HNF4G: variants seen among roughly 807,000 people sequenced by gnomAD.
The protein encoded by HNF4G is hepatocyte nuclear factor 4-gamma.
HNF4G carries 21 observed loss-of-function variants against 50.9 expected under a neutral mutation model. The observed-to-expected ratio is 0.41, with a 90% confidence interval of 0.29 to 0.59. The LOEUF is 0.59. Among genes scored for constraint, HNF4G ranks in the 20% least tolerant of loss-of-function variants. The probability of loss-of-function intolerance (pLI) is 0.26; values close to 1 mark genes in which losing one functional copy is unlikely to be tolerated. For missense variants in HNF4G, 527 were observed against 559.4 expected, an observed-to-expected ratio of 0.94 and a Z score of 0.58; for synonymous variants, 198 against 185.6, an observed-to-expected ratio of 1.07 and a Z score of -0.54.
chr8:75,520,279 T>C (rs142376756), intron 2 of HNF4G, among the ~76,000 whole-genome samples: 1 of 152,244 alleles, frequency 6.6e-6, no homozygotes, highest in African/African-American at 2.4e-5. Flanking sequence ...AAGAGCTCAA[T>C]AGTAGTTATG....
chr8:75,507,481 G>GA (rs1805624171), intron 2 of HNF4G, among the ~76,000 whole-genome samples: 1 of 152,104 alleles, frequency 6.6e-6, no homozygotes, highest in South Asian at 2.1e-4. Flanking sequence ...GGCTGGTCTC[G>GA]AACTCTTGAC....
chr8:75,479,347 G>A (rs1193409079), intron 1 of HNF4G, among the ~76,000 whole-genome samples: 1 of 152,108 alleles, frequency 6.6e-6, no homozygotes, highest in African/African-American at 2.4e-5. Context: ...CAGATAATAC[G>A]ATTTTCAAAT....
At chr8:75,424,354 C>G (rs1810843902) in intron 1 of HNF4G, among the ~76,000 whole-genome samples, 1 of 152,008 alleles carries the variant, frequency 6.6e-6, no homozygotes, top group South Asian at 2.1e-4. Flanking sequence ...TTTATTAATA[C>G]AGCATCTTAA....
intron 1 of HNF4G, among the ~76,000 whole-genome samples, chr8:75,443,844 C>T (rs751249973): frequency 3.9e-5 from 6 of 152,130 alleles, no homozygotes; most frequent in African/African-American, 1.4e-4. Flanking sequence ...TCATCCCCCT[C>T]TCCATAGTAC....
At chr8:75,417,092 C>T (rs754400785) in intron 1 of HNF4G, among the ~76,000 whole-genome samples, 15 of 149,702 alleles carry the variant, frequency 1.0e-4, no homozygotes, top group South Asian at 2.1e-4. Flanking sequence ...CACACACATA[C>T]GAGCATGTGC....
chr8:75,420,634 T>C (rs1275593121), intron 1 of HNF4G, among the ~76,000 whole-genome samples: 1 of 152,220 alleles, frequency 6.6e-6, no homozygotes, highest in African/African-American at 2.4e-5. Flanking sequence ...CATATGAATA[T>C]ATTTTATCCT....
chr8:75,409,437 C>G (rs1346413272), intron 1 of HNF4G, among the ~76,000 whole-genome samples: 1 of 149,116 alleles, frequency 6.7e-6, no homozygotes, highest in African/African-American at 2.5e-5. Flanking sequence ...AAAAAAAATA[C>G]TCCTCATGCA....
intron 1 of HNF4G, among the ~76,000 whole-genome samples, chr8:75,477,910 T>C (rs1585878617): frequency 6.6e-6 from 1 of 152,002 alleles, no homozygotes; most frequent in Non-Finnish European, 1.5e-5. Context: ...GAGGCTGCAG[T>C]GAGCCGAGAT....
rs1428053562 is a variant in HNF4G, at chr8:75,540,845, A to ATGTGTGTGTGTG, written c.118+770_118+771insGTGTGTGTGTGT. ...CGAGTAATTATGTATACTTTGGAAAATGTGTATGTGTGTGTGTGTGTGTGT... is the reference window on the plus strand; with the variant it reads ...CGAGTAATTATGTATACTTTGGAAAATGTGTGTGTGTGTGTGTATGTGTGTGTGTGTGTGTGT... On this transcript the variant is annotated intron_variant, in intron 1 of 9. Transcript: ENST00000396423. Among the ~76,000 whole-genome samples the ATGTGTGTGTGTG allele has an allele frequency of 8.3e-3, 778 of 93,272 alleles. 9 individuals carry two copies. The highest frequency in any genetic ancestry group is 0.03 in the African/African-American group (592 of 19,882). 61.2% of individuals were successfully genotyped at this position (93,272 alleles called of 152,430 possible).
chr8:75,469,303 G>A (rs1356286213), intron 1 of HNF4G, among the ~76,000 whole-genome samples: 1 of 149,408 alleles, frequency 6.7e-6, no homozygotes, highest in Non-Finnish European at 1.5e-5. Context: ...CCCACCCACA[G>A]TGGGAGGCTT....
intron 4 of HNF4G, 42 bp downstream of exon 4, chr8:75,551,536 C>T (rs1306005548): frequency 8.5e-7 from 1 of 1,178,876 alleles, no homozygotes; most frequent in African/African-American, 1.5e-5. Context: ...TTAATAAAAT[C>T]AAATGTCCAT....
intron 1 of HNF4G, among the ~76,000 whole-genome samples, chr8:75,449,754 C>A (rs202182049): frequency 4.6e-5 from 7 of 151,844 alleles, no homozygotes; most frequent in Non-Finnish European, 7.4e-5. Context: ...TGATCCGCCC[C>A]CCTTGGCCTC....
At chr8:75,418,814 G>T (rs544517670) in intron 1 of HNF4G, among the ~76,000 whole-genome samples, 1 of 135,398 alleles carries the variant, frequency 7.4e-6, no homozygotes, top group Non-Finnish European at 1.5e-5. Context: ...CGCAACCTCC[G>T]CCTCCCGGGT....
chr8:75,471,142 T>G (rs1812103064), intron 1 of HNF4G, among the ~76,000 whole-genome samples: 1 of 152,212 alleles, frequency 6.6e-6, no homozygotes, highest in Non-Finnish European at 1.5e-5. Context: ...AGCATACTAT[T>G]ATTTTTCACA....
chr8:75,514,210 A>T (rs1805830749), intron 2 of HNF4G, among the ~76,000 whole-genome samples: 1 of 151,964 alleles, frequency 6.6e-6, no homozygotes, highest in East Asian at 1.9e-4. Context: ...TTTTACATGT[A>T]TAATGATTTT....
chr8:75,485,801 C>G (rs538669169), intron 1 of HNF4G: 8 of 152,176 alleles, frequency 5.3e-5, no homozygotes, highest in Admixed American at 4.6e-4. Context: ...CTGCCTTGAC[C>G]GTCCCTGCTC....
chr8:75,467,567 G>A (rs1812015313), intron 1 of HNF4G, among the ~76,000 whole-genome samples: 2 of 152,062 alleles, frequency 1.3e-5, no homozygotes, highest in African/African-American at 4.8e-5. Context: ...GGCTGAGAGA[G>A]GGGAATCACT....
At chr8:75,428,565 T>G (rs557917345) in intron 1 of HNF4G, among the ~76,000 whole-genome samples, 1 of 152,230 alleles carries the variant, frequency 6.6e-6, no homozygotes, top group Admixed American at 6.5e-5. Flanking sequence ...CAGAAAGAGC[T>G]TCACTGAGAA....
At chr8:75,452,575 C>G (rs112223797) in intron 1 of HNF4G, among the ~76,000 whole-genome samples, 1 of 151,946 alleles carries the variant, frequency 6.6e-6, no homozygotes, top group African/African-American at 2.4e-5. Context: ...AAAAATTAGC[C>G]GGGCATGGTG....
Sources: gnomAD v4.1 joint callset for allele counts (sites outside exome capture counted in the v4.1 genomes callset) on GRCh38, gnomAD v4.1.1 for gene constraint, MANE v1.5 for transcripts, NCBI Gene and HGNC (gene_info 2026-07-23, HGNC 2026-07-21) for gene names.